The following FGF14 variants were observed in gnomAD, a reference collection of about 807,000 sequenced individuals.
FGF14 encodes fibroblast growth factor 14.
Under a neutral mutation model 25.5 loss-of-function variants are expected in FGF14, and 5 were observed. The observed-to-expected ratio is 0.20, with a 90% CI of 0.10 to 0.41. The LOEUF (loss-of-function observed/expected upper bound fraction) is 0.41. Among genes scored for constraint, FGF14 ranks in the 10% least tolerant of loss-of-function variants. FGF14 has a pLI of 1.00. For missense variants in FGF14, 222 were observed against 320.1 expected (o/e 0.69, Z 2.34); for synonymous variants, 138 against 118.3 (o/e 1.17, Z -1.08).
chr13:102,048,908 C>T (rs762685902), intron 1 of FGF14, among the ~76,000 whole-genome samples: 1 of 152,160 alleles, frequency 6.6e-6, no homozygotes, highest in African/African-American at 2.4e-5. Flanking sequence ...GATACTGTCA[C>T]ATTAATTATT....
intron 1 of FGF14, among the ~76,000 whole-genome samples, chr13:102,145,623 T>C (rs575014847): frequency 6.6e-6 from 1 of 152,328 alleles, no homozygotes; most frequent in East Asian, 1.9e-4. Flanking sequence ...CTGTTAATGA[T>C]AGTCTTTATA....
intron 1 of FGF14, among the ~76,000 whole-genome samples, chr13:101,947,753 A>G (rs1350678276): frequency 6.6e-6 from 1 of 152,220 alleles, no homozygotes; most frequent in Non-Finnish European, 1.5e-5. Flanking sequence ...CATAGGTGAC[A>G]GGATCCATAC....
At chr13:101,785,097 G>A (rs1448028333) in intron 3 of FGF14, among the ~76,000 whole-genome samples, 1 of 152,106 alleles carries the variant, frequency 6.6e-6, no homozygotes, top group Non-Finnish European at 1.5e-5. Context: ...AGAATGAGAA[G>A]TGCAGTCATT....
intron 1 of FGF14, among the ~76,000 whole-genome samples, chr13:102,165,498 A>G (rs969037417): frequency 1.3e-5 from 2 of 151,930 alleles, no homozygotes; most frequent in African/African-American, 2.4e-5. Context: ...AAAAATGATG[A>G]GTTCATGTCC....
intron 1 of FGF14, among the ~76,000 whole-genome samples, chr13:102,193,398 T>A (rs2049205562): frequency 6.6e-6 from 1 of 152,174 alleles, no homozygotes; most frequent in Non-Finnish European, 1.5e-5. Flanking sequence ...GAGAACACAA[T>A]AAGGACTTTG....
At chr13:102,136,660 G>GAA (rs1212426742) in intron 1 of FGF14, among the ~76,000 whole-genome samples, 50 of 102,452 alleles carry the variant, frequency 4.9e-4, no homozygotes, top group African/African-American at 1.8e-3. Context: ...AAATTCTATG[G>GAA]GAAAAAAAAA....
At chr13:101,750,417 C>A (rs1057049986) in intron 3 of FGF14, among the ~76,000 whole-genome samples, 1 of 151,982 alleles carries the variant, frequency 6.6e-6, no homozygotes, top group Non-Finnish European at 1.5e-5. Flanking sequence ...TGAAAACAAA[C>A]TGCAAGTTAT....
At chr13:102,363,267 G>A (rs905604404) in intron 1 of FGF14, among the ~76,000 whole-genome samples, 4 of 152,162 alleles carry the variant, frequency 2.6e-5, no homozygotes, top group Non-Finnish European at 4.4e-5. Flanking sequence ...AGTTATTAGA[G>A]TTGCTAATTT....
chr13:102,276,793 C>T (rs1301635554), intron 1 of FGF14, among the ~76,000 whole-genome samples: 1 of 152,124 alleles, frequency 6.6e-6, no homozygotes, highest in Non-Finnish European at 1.5e-5. Context: ...AACAGCATGA[C>T]ATTTTAAAAT....
At chr13:102,121,476 A>G (rs768789928) in intron 1 of FGF14, among the ~76,000 whole-genome samples, 58 of 152,200 alleles carry the variant, frequency 3.8e-4, no homozygotes, top group Non-Finnish European at 6.5e-4. Flanking sequence ...ACTACTAATA[A>G]GCATAGTAAA....
chr13:101,828,170 A>G (rs1290887539), intron 3 of FGF14, among the ~76,000 whole-genome samples: 1 of 152,104 alleles, frequency 6.6e-6, no homozygotes, highest in Non-Finnish European at 1.5e-5. Flanking sequence ...AACAACAGCC[A>G]CGAATAGATG....
intron 1 of FGF14, among the ~76,000 whole-genome samples, chr13:101,889,167 T>C (rs1417730309): frequency 1.3e-5 from 2 of 152,132 alleles, no homozygotes; most frequent in Non-Finnish European, 2.9e-5. Flanking sequence ...ACATTTCTGT[T>C]ATTGAAGCCA....
At chr13:102,127,964 C>A (rs1027070217) in intron 1 of FGF14, among the ~76,000 whole-genome samples, 3 of 152,218 alleles carry the variant, frequency 2.0e-5, no homozygotes, top group African/African-American at 4.8e-5. Flanking sequence ...ATCCCTCCAT[C>A]CCCATCTCGC....
In FGF14 at chr13:101,720,906, A is replaced by G. The variant is rs2034929694; in HGVS notation, c.*1925T>C. On this transcript the variant is annotated 3_prime_UTR_variant, in exon 5 of 5. Transcript: ENST00000376143. The stretch of plus-strand genomic sequence containing the variant: ...TAGAATCCAATATGAAAATGAAATA[A>G]GCATAAACAAACAGTTAAATTTCTA... The G allele has an allele frequency of 6.6e-6, 1 of 152,166 alleles. No individual in the cohort carries two copies. The highest frequency in any genetic ancestry group is 1.5e-5 in the Non-Finnish European group (1 of 68,018). The allele number at this position is 152,166 out of a possible 1,614,324, so 9.4% of individuals were successfully genotyped here. A position where few individuals can be genotyped will look rare whatever the true frequency, so the allele number is the denominator to read the frequency against.
intron 1 of FGF14, among the ~76,000 whole-genome samples, chr13:102,275,314 T>C (rs2053482285): frequency 6.7e-6 from 1 of 148,714 alleles, no homozygotes; most frequent in South Asian, 2.1e-4. Context: ...AAAGGGGTCA[T>C]ATTTGTTTTG....
chr13:102,154,469 G>C (rs1374211679), intron 1 of FGF14, among the ~76,000 whole-genome samples: 1 of 152,140 alleles, frequency 6.6e-6, no homozygotes, highest in African/African-American at 2.4e-5. Context: ...TAAATGCTGA[G>C]AGATTTTGTC....
intron 1 of FGF14, among the ~76,000 whole-genome samples, chr13:101,949,012 C>CT (rs1211952915): frequency 3.2e-4 from 48 of 152,206 alleles, no homozygotes; most frequent in African/African-American, 1.1e-3. Flanking sequence ...TTTCCTATCT[C>CT]TTTTCCAGTT....
At chr13:102,069,590 C>T (rs1404040334) in intron 1 of FGF14, among the ~76,000 whole-genome samples, 1 of 151,912 alleles carries the variant, frequency 6.6e-6, no homozygotes. Context: ...ACAAGCCCAC[C>T]GGGAGGAACG....
In FGF14 at chr13:101,774,108, C is replaced by T. The variant is rs544038561; in HGVS notation, c.409-47298G>A. Among the ~76,000 whole-genome samples, 5 of 152,138 alleles carry T rather than the reference C, an allele frequency of 3.3e-5. No homozygotes were observed. The South Asian group carries it at 1.0e-3, about 32-fold the overall frequency. On this transcript the variant is annotated intron_variant, in intron 3 of 4. Coordinates refer to ENST00000376143, the MANE Select transcript of FGF14 (RefSeq NM_004115.4). ...TGGTAACATAAGCAATTGCTACTGT[C>T]ATTGAGAAATGCTACCAATAATACT... is the stretch of plus-strand genomic sequence containing the variant.
Sources: allele counts gnomAD v4.1 joint callset (sites outside exome capture counted in the v4.1 genomes callset), GRCh38; gene constraint gnomAD v4.1.1; transcripts MANE v1.5; gene names NCBI Gene and HGNC (gene_info 2026-07-23, HGNC 2026-07-21).